The following DENND5B variants were observed in gnomAD, a reference collection of about 807,000 sequenced individuals.
The protein encoded by DENND5B is DENN domain containing 5B.
A neutral mutation model predicts 140.6 loss-of-function variants in DENND5B; 34 were observed. The observed-to-expected ratio is 0.24, with a 90% CI of 0.18 to 0.32. The LOEUF (loss-of-function observed/expected upper bound fraction) is 0.32, where lower values mean the gene tolerates loss of function less well. Among genes scored for constraint, DENND5B ranks in the 10% least tolerant of loss-of-function variants. The probability of loss-of-function intolerance (pLI) is 1.00; values close to 1 mark genes in which losing one functional copy is unlikely to be tolerated. For synonymous variants in DENND5B, 551 were observed against 562.1 expected (o/e 0.98, Z 0.28); for missense variants, 1,142 against 1,560.2 (o/e 0.73, Z 4.52).
intron 2 of DENND5B, 102 bp from the exon 3 acceptor site, chr12:31,480,357 G>T (rs577391073): frequency 5.3e-6 from 6 of 1,136,720 alleles, no homozygotes; most frequent in Non-Finnish European, 7.1e-6. Context: ...AAAAAGACAG[G>T]TTTTATCCAG....
At chr12:31,501,895 A>G (rs915786000) in intron 1 of DENND5B, among the ~76,000 whole-genome samples, 21 of 152,182 alleles carry the variant, frequency 1.4e-4, no homozygotes, top group African/African-American at 4.8e-4. Context: ...GGTTAATGAT[A>G]GGGGAAATTG....
At chr12:31,389,550 TAGAA>T in intron 19 of DENND5B, 52 bp from the exon 20 acceptor site, 1 of 1,490,808 alleles carries the variant, frequency 6.7e-7, no homozygotes, top group Non-Finnish European at 9.1e-7. Flanking sequence ...ACTTCATATA[TAGAA>T]AGATTCATCA....
At chr12:31,588,649 A>C (rs191810455) in intron 1 of DENND5B, among the ~76,000 whole-genome samples, 1 of 152,240 alleles carries the variant, frequency 6.6e-6, no homozygotes. Context: ...ACATTTTATT[A>C]TAAGAGACTT....
At chr12:31,450,382 C>G (rs1944461578) in intron 5 of DENND5B, among the ~76,000 whole-genome samples, 1 of 151,846 alleles carries the variant, frequency 6.6e-6, no homozygotes, top group African/African-American at 2.4e-5. Flanking sequence ...TTTTTTGAGA[C>G]AGGGTCTCAC....
intron 7 of DENND5B, among the ~76,000 whole-genome samples, chr12:31,435,928 G>C (rs7314417): frequency 0.57 from 86,566 of 151,460 alleles, 25,156 homozygotes; most frequent in East Asian, 0.82. Context: ...TCCCAAGTAG[G>C]TGGGATTACA....
rs751402487 is a variant in DENND5B, at chr12:31,409,396, T to G, written c.2682-12A>C. 11 of 1,443,538 alleles carry G rather than the reference T, an allele frequency of 7.6e-6. No individual in the cohort carries two copies. The highest frequency in any genetic ancestry group is 1.0e-5 in the Non-Finnish European group (11 of 1,088,572). The allele number at this position is 1,443,538 out of a possible 1,614,324, so 89.4% of individuals were successfully genotyped here. The stretch of plus-strand genomic sequence containing the variant: ...GCTTATAAAGCTTCCTAGGAAAGGG[T>G]AAGACAAGCACAAGACAGTAGTATC... On this transcript the variant is annotated splice_polypyrimidine_tract_variant and intron_variant, in intron 13 of 20. Transcript: ENST00000389082.
chr12:31,563,684 C>T (rs552449425), intron 1 of DENND5B, among the ~76,000 whole-genome samples: 49 of 152,274 alleles, frequency 3.2e-4, no homozygotes, highest in African/African-American at 9.6e-4. Context: ...GGATTATTTA[C>T]TGTCTCTCTT....
chr12:31,495,389 C>CTTTTTTTTTCT (rs149645342), intron 2 of DENND5B, among the ~76,000 whole-genome samples: 1 of 136,206 alleles, frequency 7.3e-6, no homozygotes, highest in Non-Finnish European at 1.5e-5. Context: ...CTTTTTTTTT[C>CTTTTTTTTTCT]TTTTTTTGAG....
At chr12:31,564,604 T>TA (rs1949571408) in intron 1 of DENND5B, among the ~76,000 whole-genome samples, 1 of 147,232 alleles carries the variant, frequency 6.8e-6, no homozygotes, top group South Asian at 2.2e-4. Flanking sequence ...TTATTATTAT[T>TA]TTGAGACAGG....
Position 31,392,599 on chromosome 12 carries a change from A to G in DENND5B, c.3339+15T>C. 6.4e-7 allele frequency: 1 copy of G among 1,552,920 alleles called. No homozygotes were observed. Among genetic ancestry groups the G allele is most frequent in the Non-Finnish European group, 8.7e-7 (1 of 1,147,620 alleles). ...TAAAAGTCCCACTATACTAAGTTTT[A>G]TAGCCCATAAATACCTCTTTTTCAG... On this transcript the variant is annotated intron_variant, in intron 18 of 20. Coordinates refer to ENST00000389082, the MANE Select transcript of DENND5B (RefSeq NM_144973.4).
intron 1 of DENND5B, among the ~76,000 whole-genome samples, chr12:31,521,497 A>C (rs1028620093): frequency 1.3e-5 from 2 of 152,156 alleles, no homozygotes; most frequent in Non-Finnish European, 2.9e-5. Context: ...TACAGGGTTA[A>C]GTAAAATTAT....
At chr12:31,396,829 C>G (rs1049786542) in intron 17 of DENND5B, among the ~76,000 whole-genome samples, 5 of 152,020 alleles carry the variant, frequency 3.3e-5, no homozygotes, top group African/African-American at 1.2e-4. Context: ...GCTATGTTGG[C>G]CAGGTTGGCC....
intron 1 of DENND5B, among the ~76,000 whole-genome samples, chr12:31,567,903 T>C (rs1164034036): frequency 6.6e-6 from 1 of 152,228 alleles, no homozygotes; most frequent in Non-Finnish European, 1.5e-5. Context: ...TCTTGCTTTG[T>C]TGACCAGGCT....
In DENND5B at chr12:31,387,657, A is replaced by G. The variant is rs767413612; in HGVS notation, c.3771T>C (p.Ile1257=). The change falls in exon 21 of 21, where the codon ATT becomes ATC. Residue 1257 remains isoleucine, a synonymous_variant. Coordinates refer to ENST00000389082, the MANE Select transcript of DENND5B (RefSeq NM_144973.4). ...CTTCTAGGACTATGGTGAAGTCCTGAATGGTCTGCAGAATTCGGATAAGGG... is the reference window on the plus strand; with the variant it reads ...CTTCTAGGACTATGGTGAAGTCCTGGATGGTCTGCAGAATTCGGATAAGGG... ...VNSLIRILQT[I]QDFTIVLEGS... 1 of 1,614,032 alleles carries G rather than the reference A, an allele frequency of 6.2e-7. No homozygotes were observed. Among genetic ancestry groups the G allele is most frequent in the South Asian group, 1.1e-5 (1 of 91,082 alleles).
At position 31,522,547 on chromosome 12, in the gene DENND5B, C is replaced by T. The variant is rs1303023101; in HGVS notation, c.128-26628G>A. ...CAACCTCTGCCTCCTGGGCTCAAGCCATCCTCCCCAGTTCAGGCTCCCAAG... is the reference window on the plus strand; with the variant it reads ...CAACCTCTGCCTCCTGGGCTCAAGCTATCCTCCCCAGTTCAGGCTCCCAAG... On this transcript the variant is annotated intron_variant, in intron 1 of 20. Coordinates refer to ENST00000389082, the MANE Select transcript of DENND5B (RefSeq NM_144973.4). 3.3e-5 allele frequency among the ~76,000 whole-genome samples: 5 copies of T among 152,122 alleles called. No homozygotes were observed. In the East Asian group the frequency reaches 7.7e-4, roughly 23 times the overall value.
chr12:31,555,381 C>G (rs1949241537), intron 1 of DENND5B, among the ~76,000 whole-genome samples: 2 of 152,190 alleles, frequency 1.3e-5, no homozygotes, highest in Non-Finnish European at 2.9e-5. Context: ...TATTGGTGAA[C>G]CGCAGATGCT....
At chr12:31,422,095 G>A (rs891861975) in intron 11 of DENND5B, among the ~76,000 whole-genome samples, 1 of 151,960 alleles carries the variant, frequency 6.6e-6, no homozygotes, top group Non-Finnish European at 1.5e-5. Flanking sequence ...CCCTCTAGGG[G>A]CAGTGAGGGA....
chr12:31,392,401 G>T lies in DENND5B; in HGVS notation c.3340-8C>A. 1.2e-6 allele frequency: 2 copies of T among 1,612,988 alleles called. No individual in the cohort carries two copies. Among genetic ancestry groups the T allele is most frequent in the Non-Finnish European group, 1.7e-6 (2 of 1,179,666 alleles). The stretch of plus-strand genomic sequence containing the variant: ...CACGGTGAGGCTTCCTCTCTGTGGG[G>T]CATAACACACAGTGCCAAAGAAAAA... On this transcript the variant is annotated splice_polypyrimidine_tract_variant and splice_region_variant and intron_variant, in intron 18 of 20. Coordinates refer to ENST00000389082, the MANE Select transcript of DENND5B (RefSeq NM_144973.4).
At position 31,487,754 on chromosome 12, in the gene DENND5B, T is replaced by C. The variant is rs1054032618; in HGVS notation, c.238-7499A>G. On this transcript the variant is annotated intron_variant, in intron 2 of 20. Coordinates refer to ENST00000389082, the MANE Select transcript of DENND5B (RefSeq NM_144973.4). ...AACCCTAAAAACCCAAAAACTTCAT[T>C]TGACACATTTATTGTAGTCAATAAA... Among the ~76,000 whole-genome samples the C allele has an allele frequency of 5.3e-5, 8 of 152,176 alleles. 1 individual carries two copies. The highest frequency in any genetic ancestry group is 5.2e-4 in the Admixed American group (8 of 15,284).
Sources: gnomAD v4.1 joint callset for allele counts (sites outside exome capture counted in the v4.1 genomes callset) on GRCh38, gnomAD v4.1.1 for gene constraint, MANE v1.5 for transcripts, NCBI Gene and HGNC (gene_info 2026-07-23, HGNC 2026-07-21) for gene names.